IL1RAPL1: variants seen among roughly 807,000 people sequenced by gnomAD.
The protein encoded by IL1RAPL1 is interleukin 1 receptor accessory protein like 1.
In IL1RAPL1, 3 loss-of-function variants were observed where a neutral mutation model predicts 48.4. That is an observed-to-expected ratio of 0.06 (90% CI 0.03 to 0.16). The LOEUF (loss-of-function observed/expected upper bound fraction) is 0.16. Ranked by LOEUF, IL1RAPL1 falls within the 10% of genes least tolerant of loss-of-function variation. IL1RAPL1 has a pLI of 1.00. For synonymous variants in IL1RAPL1, 185 were observed against 187.7 expected, an observed-to-expected ratio of 0.99 and a Z score of 0.12; for missense variants, 349 against 530.6, an observed-to-expected ratio of 0.66 and a Z score of 3.36.
chrX:29,195,377 G>A (rs1214483639), intron 2 of IL1RAPL1, among the ~76,000 whole-genome samples: 2 of 110,965 alleles, frequency 1.8e-5, no homozygotes, highest in African/African-American at 3.3e-5. Flanking sequence ...AAGATCAACT[G>A]CTTCTATTTC....
rs371970546 is a variant in IL1RAPL1, at chrX:29,081,018, C to CTT, written c.83-201919_83-201918insTT. 8.6e-3 allele frequency among the ~76,000 whole-genome samples: 464 copies of CTT among 54,261 alleles called. 11 individuals are homozygous for CTT. The highest frequency in any genetic ancestry group is 0.057 in the East Asian group (78 of 1,377). 47.1% of individuals were successfully genotyped at this position (54,261 alleles called of 115,157 possible). On this transcript the variant is annotated intron_variant, in intron 2 of 10. Transcript: ENST00000378993. ...TTTCTCTCTCTCTCTCTCTCTCTCT[C>CTT]TCTTTCTTTTCTTTTCTTTTCTTTT... is the stretch of plus-strand genomic sequence containing the variant.
At chrX:28,713,606 T>C (rs1261045029) in intron 1 of IL1RAPL1, among the ~76,000 whole-genome samples, 2 of 111,370 alleles carry the variant, frequency 1.8e-5, no homozygotes, top group East Asian at 5.7e-4. Context: ...TAGATTTTCC[T>C]TACTTTGCCT....
intron 6 of IL1RAPL1, among the ~76,000 whole-genome samples, chrX:29,804,031 A>G (rs140569948): frequency 0.046 from 5,196 of 111,791 alleles, 275 homozygotes; most frequent in African/African-American, 0.16. Flanking sequence ...CTTTCATTTT[A>G]AAGCAGATTT....
At chrX:29,462,073 A>G (rs1482751849) in intron 5 of IL1RAPL1, among the ~76,000 whole-genome samples, 1 of 112,392 alleles carries the variant, frequency 8.9e-6, no homozygotes, top group Non-Finnish European at 1.9e-5. Context: ...TTTCTGTTTA[A>G]AGGTGATTTT....
chrX:28,807,257 C>CA (rs769684875), intron 2 of IL1RAPL1, among the ~76,000 whole-genome samples: 1 of 111,376 alleles, frequency 9.0e-6, no homozygotes, highest in Non-Finnish European at 1.9e-5. Context: ...AATCCTCAAC[C>CA]ATTCTTTAGA....
At chrX:29,524,179 C>CTT (rs5901924) in intron 5 of IL1RAPL1, among the ~76,000 whole-genome samples, 21 of 77,585 alleles carry the variant, frequency 2.7e-4, no homozygotes, top group Non-Finnish European at 4.5e-4. Context: ...TTTCACTTGG[C>CTT]TTTTTTTTTT....
At chrX:28,823,866 A>G (rs760090465) in intron 2 of IL1RAPL1, among the ~76,000 whole-genome samples, 5 of 111,314 alleles carry the variant, frequency 4.5e-5, no homozygotes, top group Admixed American at 2.9e-4. Context: ...CCTTAACTTA[A>G]TCACATCAGC....
At chrX:28,628,840 C>T (rs1327454062) in intron 1 of IL1RAPL1, among the ~76,000 whole-genome samples, 1 of 111,793 alleles carries the variant, frequency 8.9e-6, no homozygotes, top group Non-Finnish European at 1.9e-5. Flanking sequence ...TTACGGTTGA[C>T]GGGTTTTATT....
chrX:29,642,300 T>C (rs962516059), intron 5 of IL1RAPL1, among the ~76,000 whole-genome samples: 1 of 112,171 alleles, frequency 8.9e-6, no homozygotes, highest in Non-Finnish European at 1.9e-5. Context: ...TCTTTTACGA[T>C]TTAGTGAGAT....
At chrX:29,056,752 C>T (rs974979783) in intron 2 of IL1RAPL1, among the ~76,000 whole-genome samples, 1 of 111,730 alleles carries the variant, frequency 9.0e-6, no homozygotes, top group South Asian at 3.7e-4. Context: ...TTAAACCCAT[C>T]ATGCATTAAC....
At chrX:29,759,236 G>A (rs754639036) in intron 6 of IL1RAPL1, among the ~76,000 whole-genome samples, 2 of 112,048 alleles carry the variant, frequency 1.8e-5, no homozygotes, top group African/African-American at 3.2e-5. Context: ...TATACACGTG[G>A]TTGTTGTAAG....
At chrX:29,496,346 G>T (rs888622574) in intron 5 of IL1RAPL1, among the ~76,000 whole-genome samples, 6 of 110,959 alleles carry the variant, frequency 5.4e-5, no homozygotes, top group African/African-American at 1.6e-4. Context: ...CTAATGGGAG[G>T]TGTTTGGATC....
At chrX:29,693,209 A>G (rs1319646960) in intron 6 of IL1RAPL1, among the ~76,000 whole-genome samples, 1 of 112,053 alleles carries the variant, frequency 8.9e-6, no homozygotes, top group Non-Finnish European at 1.9e-5. Context: ...TACCTTCCAT[A>G]GGCAGCTGGT....
intron 5 of IL1RAPL1, among the ~76,000 whole-genome samples, chrX:29,406,873 C>A (rs760181863): frequency 8.9e-6 from 1 of 111,943 alleles, no homozygotes; most frequent in South Asian, 3.7e-4. Flanking sequence ...ATAATAACTT[C>A]TCTTCCTTGA....
chrX:28,819,433 G>A (rs1936905659), intron 2 of IL1RAPL1, among the ~76,000 whole-genome samples: 1 of 110,906 alleles, frequency 9.0e-6, no homozygotes, highest in Admixed American at 9.7e-5. Flanking sequence ...AACTAAAAAT[G>A]TACTGAAGAA....
chrX:28,706,842 T>C (rs1277591660), intron 1 of IL1RAPL1, among the ~76,000 whole-genome samples: 2 of 112,284 alleles, frequency 1.8e-5, no homozygotes. Flanking sequence ...TTAAATTATG[T>C]ACCAGATTTG....
intron 2 of IL1RAPL1, among the ~76,000 whole-genome samples, chrX:29,144,673 GATTACA>G (rs1416403484): frequency 9.7e-6 from 1 of 102,908 alleles, no homozygotes. Flanking sequence ...AAATTTTAAT[GATTACA>G]ATTACAACTA....
intron 6 of IL1RAPL1, among the ~76,000 whole-genome samples, chrX:29,805,724 A>G (rs1296784274): frequency 9.0e-6 from 1 of 110,752 alleles, no homozygotes; most frequent in African/African-American, 3.3e-5. Flanking sequence ...AAACATTATA[A>G]TTATTGATTA....
At chrX:29,446,042 G>T (rs1214451485) in intron 5 of IL1RAPL1, among the ~76,000 whole-genome samples, 1 of 112,057 alleles carries the variant, frequency 8.9e-6, no homozygotes, top group Non-Finnish European at 1.9e-5. Flanking sequence ...AATTAAACTA[G>T]AAATAACTAC....
Sources: gnomAD v4.1 joint callset for allele counts (sites outside exome capture counted in the v4.1 genomes callset) on GRCh38, gnomAD v4.1.1 for gene constraint, MANE v1.5 for transcripts, NCBI Gene and HGNC (gene_info 2026-07-23, HGNC 2026-07-21) for gene names.